Variants in RYR3 observed in about 807,000 individuals in gnomAD.
The protein encoded by RYR3 is brain ryanodine receptor-calcium release channel.
RYR3 carries 207 observed loss-of-function variants against 584.3 expected under a neutral mutation model. The observed-to-expected ratio is 0.35, with a 90% confidence interval of 0.32 to 0.40. The LOEUF (loss-of-function observed/expected upper bound fraction) is 0.40. Ranked by LOEUF, RYR3 falls within the 10% of genes least tolerant of loss-of-function variation. The pLI, the probability that RYR3 is intolerant of heterozygous loss-of-function variation, is 1.00. For synonymous variants in RYR3, 2,416 were observed against 2,248.5 expected (o/e 1.07, Z -2.11); for missense variants, 5,616 against 6,089.2 (o/e 0.92, Z 2.59).
At chr15:33,702,839 A>G (rs115013365) in intron 42 of RYR3, among the ~76,000 whole-genome samples, 5 of 152,174 alleles carry the variant, frequency 3.3e-5, no homozygotes, top group Non-Finnish European at 7.4e-5. Flanking sequence ...AGCCAAAAGG[A>G]TGAGAAAACC....
intron 42 of RYR3, among the ~76,000 whole-genome samples, chr15:33,703,490 T>C (rs2066456012): frequency 1.3e-5 from 2 of 152,224 alleles, no homozygotes; most frequent in Non-Finnish European, 2.9e-5. Flanking sequence ...CACGTAGTCT[T>C]TTCTTTGTGT....
intron 87 of RYR3, 141 bp downstream of exon 87, chr15:33,835,213 A>G: frequency 1.5e-6 from 1 of 647,126 alleles, no homozygotes; most frequent in Non-Finnish European, 2.6e-6. Context: ...TTTTAAACTG[A>G]AGGCCAAAAT....
At chr15:33,751,581 T>A (rs1470180708) in intron 57 of RYR3, among the ~76,000 whole-genome samples, 2 of 74,828 alleles carry the variant, frequency 2.7e-5, no homozygotes, top group African/African-American at 2.3e-4. Flanking sequence ...TTGATGAGGT[T>A]TTTTTTTTTT....
rs1030312374 is a variant in RYR3, at chr15:33,551,734, T to C, written c.972+1418T>C. On this transcript the variant is annotated intron_variant, in intron 10 of 103. Coordinates refer to ENST00000634891, the MANE Select transcript of RYR3 (RefSeq NM_001036.6). ...TCATTCTGGTTTTCTGAGCATATCTTCCTCACTTTGCTATCATTTTTTTTT... is the reference window on the plus strand; with the variant it reads ...TCATTCTGGTTTTCTGAGCATATCTCCCTCACTTTGCTATCATTTTTTTTT... Among the ~76,000 whole-genome samples, 5 of 149,206 alleles carry C rather than the reference T, an allele frequency of 3.4e-5. No homozygotes were observed. In the East Asian group the frequency reaches 7.7e-4, roughly 23 times the overall value.
Position 33,636,372 on chromosome 15 carries a change from C to G in RYR3, c.3382-4C>G. 1 of 1,613,780 alleles carries G rather than the reference C, an allele frequency of 6.2e-7. No homozygotes were observed. Among genetic ancestry groups the G allele is most frequent in the African/African-American group, 1.3e-5 (1 of 75,010 alleles). ...TCTCTAAGCCCTAGAGTCTTGTTTT[C>G]TAGGGCCAGCGTTGGCATCAAGGAA... On this transcript the variant is annotated splice_polypyrimidine_tract_variant and splice_region_variant and intron_variant, in intron 26 of 103. Transcript: ENST00000634891.
chr15:33,725,588 C>A (rs1310436626), intron 45 of RYR3, among the ~76,000 whole-genome samples: 1 of 152,098 alleles, frequency 6.6e-6, no homozygotes, highest in Admixed American at 6.6e-5. Context: ...ATTCTCTACA[C>A]CCTTTTTGCC....
chr15:33,464,493 C>CT (rs2048318701), intron 1 of RYR3, among the ~76,000 whole-genome samples: 6 of 107,294 alleles, frequency 5.6e-5, no homozygotes, highest in Non-Finnish European at 8.9e-5. Flanking sequence ...TATATATACA[C>CT]ATATATATAT....
intron 81 of RYR3, among the ~76,000 whole-genome samples, chr15:33,823,786 A>G (rs2077231881): frequency 6.6e-6 from 1 of 152,232 alleles, no homozygotes; most frequent in Non-Finnish European, 1.5e-5. Context: ...TCTAAGATTC[A>G]TATGTATTTG....
Position 33,857,680 on chromosome 15 carries a change from C to T in RYR3, c.14008-100C>T, listed in dbSNP as rs536740644. ...CCCTTCCCCATTTCCTCTCCTTGCC[C>T]GTCCTCACTCTTCCTCCTCGTTTTC... is the stretch of plus-strand genomic sequence containing the variant. On this transcript the variant is annotated intron_variant, in intron 98 of 103. Coordinates refer to ENST00000634891, the MANE Select transcript of RYR3 (RefSeq NM_001036.6). 3.3e-5 allele frequency: 49 copies of T among 1,467,990 alleles called. No individual in the cohort carries two copies. In the African/African-American group the frequency reaches 5.1e-4, roughly 15 times the overall value. 90.9% of individuals were successfully genotyped at this position (1,467,990 alleles called of 1,614,324 possible).
intron 1 of RYR3, among the ~76,000 whole-genome samples, chr15:33,459,656 C>G (rs573759694): frequency 2.0e-5 from 3 of 152,082 alleles, no homozygotes; most frequent in African/African-American, 7.2e-5. Context: ...TCACAGTCTG[C>G]GGCTGAAAAT....
At chr15:33,623,699 C>T in intron 19 of RYR3, 108 bp from the exon 20 acceptor site, 4 of 792,006 alleles carry the variant, frequency 5.1e-6, no homozygotes, top group South Asian at 3.5e-5. Flanking sequence ...TACTTCTCAA[C>T]AAAATTATGT....
At position 33,836,991 on chromosome 15, in the gene RYR3, G is replaced by A; in HGVS notation, c.11650+4G>A. On this transcript the variant is annotated splice_donor_region_variant and intron_variant, in intron 88 of 103. Transcript: ENST00000634891. ...ATGCTTCTGTCCCTCCTGGAAGGTT[G>A]GGCTGTTTGGTATAACTAGGCCTTC... 1 of 1,611,466 alleles carries A rather than the reference G, an allele frequency of 6.2e-7. No individual in the cohort carries two copies. Among genetic ancestry groups the A allele is most frequent in the Non-Finnish European group, 8.5e-7 (1 of 1,178,512 alleles).
At chr15:33,626,577 T>C (rs1237922382) in intron 20 of RYR3, among the ~76,000 whole-genome samples, 1 of 152,158 alleles carries the variant, frequency 6.6e-6, no homozygotes, top group African/African-American at 2.4e-5. Context: ...GGGGAAAATG[T>C]CTCCAAGGCA....
intron 16 of RYR3, among the ~76,000 whole-genome samples, chr15:33,588,347 T>A (rs1476443167): frequency 6.6e-6 from 1 of 152,226 alleles, no homozygotes; most frequent in Admixed American, 6.5e-5. Context: ...AACATGTTCT[T>A]TAGAATCCAA....
intron 22 of RYR3, among the ~76,000 whole-genome samples, 176 bp from the exon 23 acceptor site, chr15:33,631,034 G>A (rs940153347): frequency 2.0e-5 from 3 of 152,164 alleles, no homozygotes; most frequent in African/African-American, 7.2e-5. Context: ...CTGTGACAGA[G>A]ACATATGGCT....
chr15:33,408,162 G>A (rs748892642), intron 1 of RYR3, among the ~76,000 whole-genome samples: 16 of 152,136 alleles, frequency 1.1e-4, no homozygotes, highest in South Asian at 8.3e-4. Context: ...AGCTCTTCCC[G>A]CACCCCCTTT....
At chr15:33,736,576 G>A (rs565216002) in intron 49 of RYR3, among the ~76,000 whole-genome samples, 27 of 152,150 alleles carry the variant, frequency 1.8e-4, no homozygotes, top group African/African-American at 5.3e-4. Flanking sequence ...CATTTAATAC[G>A]AGGACTTAGA....
chr15:33,658,621 T>G (rs148872417), intron 32 of RYR3, among the ~76,000 whole-genome samples: 17 of 152,368 alleles, frequency 1.1e-4, no homozygotes, highest in African/African-American at 4.1e-4. Flanking sequence ...TATATTTGCT[T>G]CAACCTAAAA....
At chr15:33,372,496 C>T (rs2040411311) in intron 1 of RYR3, among the ~76,000 whole-genome samples, 1 of 151,412 alleles carries the variant, frequency 6.6e-6, no homozygotes, top group Non-Finnish European at 1.5e-5. Flanking sequence ...TCCCGAGTAG[C>T]TGGGACTACA....
Sources: allele counts gnomAD v4.1 joint callset (sites outside exome capture counted in the v4.1 genomes callset), GRCh38; gene constraint gnomAD v4.1.1; transcripts MANE v1.5; gene names NCBI Gene and HGNC (gene_info 2026-07-23, HGNC 2026-07-21).